PRSS3: variants seen among roughly 807,000 people sequenced by gnomAD.
The protein encoded by PRSS3 is serine protease 3, also known as trypsin-3.
PRSS3 carries 14 observed loss-of-function variants against 20.8 expected under a neutral mutation model. The observed-to-expected ratio is 0.67, with a 90% CI of 0.44 to 1.05. The LOEUF (loss-of-function observed/expected upper bound fraction) is 1.05, where lower values mean the gene tolerates loss of function less well. PRSS3 is among the 50% of genes least tolerant of loss of function. The pLI, the probability that PRSS3 is intolerant of heterozygous loss-of-function variation, is 0.00. For missense variants in PRSS3, 237 were observed against 306.4 expected, an observed-to-expected ratio of 0.77 and a Z score of 1.69; for synonymous variants, 91 against 117.6, an observed-to-expected ratio of 0.77 and a Z score of 1.46.
At chr9:33,776,523 T>G (rs1823939888) in intron 1 of PRSS3, among the ~76,000 whole-genome samples, 1 of 152,002 alleles carries the variant, frequency 6.6e-6, no homozygotes. Flanking sequence ...AGTACTGGCA[T>G]AAAAACACAC....
rs74180504 is a variant in PRSS3, at chr9:33,785,160, A to ATTT, written c.-52-9553_-52-9551dup. 4.4e-3 allele frequency among the ~76,000 whole-genome samples: 317 copies of ATTT among 72,494 alleles called. 25 individuals carry two copies. The highest frequency in any genetic ancestry group is 9.4e-3 in the South Asian group (13 of 1,380). 47.6% of individuals were successfully genotyped at this position (72,494 alleles called of 152,430 possible). ...GAAAAAGATCATAGCATTGTGGTCA[A>ATTT]TTTTTTTTTTTTTTTTTTTTTTTTT... On this transcript the variant is annotated intron_variant, in intron 1 of 5. Coordinates refer to the PRSS3 transcript ENST00000342836.
chr9:33,768,625 G>A (rs1823552832), intron 1 of PRSS3, among the ~76,000 whole-genome samples: 1 of 151,968 alleles, frequency 6.6e-6, no homozygotes. Flanking sequence ...GGGAGGCCAA[G>A]ACAGGTGGAT....
chr9:33,769,370 C>G (rs1292351255), intron 1 of PRSS3, among the ~76,000 whole-genome samples: 1 of 152,190 alleles, frequency 6.6e-6, no homozygotes, highest in Non-Finnish European at 1.5e-5. Context: ...ACCAACTCAG[C>G]AAGTCGGGAA....
intron 1 of PRSS3, among the ~76,000 whole-genome samples, chr9:33,760,078 C>T (rs1823120727): frequency 6.6e-6 from 1 of 152,102 alleles, no homozygotes; most frequent in Non-Finnish European, 1.5e-5. Context: ...GTGATCTTTC[C>T]ATTATTATTT....
rs1482988944 is a variant in PRSS3, at chr9:33,750,979, G to T, written c.-53+252G>T. On this transcript the variant is annotated intron_variant, in intron 1 of 5. Coordinates refer to the PRSS3 transcript ENST00000342836. The surrounding 1 kb of genome is among the most constrained non-coding windows in gnomAD (Gnocchi z 4.8). Reference sequence around the variant, plus strand: ...AGAAGCCCACCTGGGGCCCCCTCCGGGCTGCGGCACCGATGCGCACACTAC... The same window carrying T: ...AGAAGCCCACCTGGGGCCCCCTCCGTGCTGCGGCACCGATGCGCACACTAC... The T allele has an allele frequency of 2.3e-6, 2 of 870,070 alleles. No homozygotes were observed. The allele number at this position is 870,070 out of a possible 1,614,324, so 53.9% of individuals were successfully genotyped here. A position where few individuals can be genotyped will look rare whatever the true frequency, so the allele number is the denominator to read the frequency against.
At chr9:33,768,139 T>C (rs1164108638) in intron 1 of PRSS3, among the ~76,000 whole-genome samples, 1 of 152,040 alleles carries the variant, frequency 6.6e-6, no homozygotes, top group Non-Finnish European at 1.5e-5. Context: ...AGTTTGGAGG[T>C]GCATGTTGGA....
At chr9:33,763,274 G>A (rs1401281390) in intron 1 of PRSS3, among the ~76,000 whole-genome samples, 1 of 152,120 alleles carries the variant, frequency 6.6e-6, no homozygotes, top group Non-Finnish European at 1.5e-5. Flanking sequence ...TGAGACTCTT[G>A]GGCACATAGG....
intron 1 of PRSS3, among the ~76,000 whole-genome samples, chr9:33,762,749 A>G (rs1038196843): frequency 2.0e-5 from 3 of 152,238 alleles, no homozygotes; most frequent in Admixed American, 2.0e-4. Context: ...CTGATGTTAA[A>G]CAGTAATTCT....
At position 33,753,501 on chromosome 9, in the gene PRSS3, A is replaced by G. The variant is rs192952497; in HGVS notation, c.-53+2774A>G. 4.6e-5 allele frequency among the ~76,000 whole-genome samples: 7 copies of G among 152,304 alleles called. No homozygotes were observed. In the East Asian group the frequency reaches 1.4e-3, roughly 29 times the overall value. On this transcript the variant is annotated intron_variant, in intron 1 of 5. Transcript: ENST00000342836. The stretch of plus-strand genomic sequence containing the variant: ...ATTTGCCAAATGTATAAATCCAGTG[A>G]CTTATTTTGATGTACTCTTTTGGTT...
upstream of PRSS3, among the ~76,000 whole-genome samples, chr9:33,792,000 A>G (rs1278219242): frequency 1.3e-5 from 2 of 152,204 alleles, no homozygotes; most frequent in Non-Finnish European, 2.9e-5. Flanking sequence ...TTAGCTGATC[A>G]GCCTTGACCA....
chr9:33,757,685 A>T (rs543014432), intron 1 of PRSS3, among the ~76,000 whole-genome samples: 5 of 152,244 alleles, frequency 3.3e-5, no homozygotes, highest in African/African-American at 1.2e-4. Flanking sequence ...CAGGCTTGTC[A>T]CCTCTGCAAC....
chr9:33,756,164 G>C (rs1191960936), intron 1 of PRSS3, among the ~76,000 whole-genome samples: 1 of 152,106 alleles, frequency 6.6e-6, no homozygotes, highest in Non-Finnish European at 1.5e-5. Flanking sequence ...TTGCTGGTTT[G>C]GCTGGGTATG....
chr9:33,763,614 G>A (rs1419787428), intron 1 of PRSS3, among the ~76,000 whole-genome samples: 1 of 151,784 alleles, frequency 6.6e-6, no homozygotes, highest in Non-Finnish European at 1.5e-5. Flanking sequence ...CAGGAGAATG[G>A]CGTGAACCCG....
In PRSS3 at chr9:33,796,669, A is replaced by C; in HGVS notation, c.67A>C (p.Lys23Gln). ...TGCTGTCCCCTTTGACGATGATGAC[A>C]AGATTGTTGGGGGCTACACCTGTGA... Reference protein sequence around the residue: ...AVAVPFDDDDKIVGGYTCEEN... With the variant: ...AVAVPFDDDDQIVGGYTCEEN... Residue 23 changes from lysine (K) to glutamine (Q), a missense_variant, in exon 2 of 5, where the codon AAG becomes CAG. By Grantham distance (53) the Lys-to-Gln change is moderately conservative. Transcript: ENST00000379405. 6.2e-7 allele frequency: 1 copy of C among 1,613,660 alleles called. No homozygotes were observed. Among genetic ancestry groups the C allele is most frequent in the Non-Finnish European group, 8.5e-7 (1 of 1,179,774 alleles).
At chr9:33,751,749 GTACTGT>G (rs1822707596) in intron 1 of PRSS3, among the ~76,000 whole-genome samples, 1 of 152,114 alleles carries the variant, frequency 6.6e-6, no homozygotes. Context: ...TGAGAAACGT[GTACTGT>G]TTTTAACCAG....
chr9:33,767,707 C>T (rs1395678469), intron 1 of PRSS3, among the ~76,000 whole-genome samples: 1 of 152,118 alleles, frequency 6.6e-6, no homozygotes, highest in East Asian at 1.9e-4. Flanking sequence ...CACCTGTAAT[C>T]CCAGCTACTC....
intron 1 of PRSS3, among the ~76,000 whole-genome samples, chr9:33,770,925 C>G (rs1446216066): frequency 6.6e-6 from 1 of 152,118 alleles, no homozygotes; most frequent in Non-Finnish European, 1.5e-5. Flanking sequence ...AATATCGTGC[C>G]AACAGAAAGG....
intron 1 of PRSS3, among the ~76,000 whole-genome samples, chr9:33,781,555 G>GT (rs1167649549): frequency 1.3e-5 from 2 of 152,148 alleles, no homozygotes; most frequent in African/African-American, 4.8e-5. Context: ...GTTGACATGG[G>GT]TTGAAAAACT....
intron 1 of PRSS3, among the ~76,000 whole-genome samples, chr9:33,779,805 C>T (rs12375581): frequency 7.8e-6 from 1 of 128,156 alleles, no homozygotes; most frequent in South Asian, 2.6e-4. Flanking sequence ...GGAGGTGGAG[C>T]TTGCGGTGAG....
Sources: gnomAD v4.1 joint callset for allele counts (sites outside exome capture counted in the v4.1 genomes callset) on GRCh38, gnomAD v4.1.1 for gene constraint, Gnocchi (gnomAD v3.1) non-coding constraint, MANE v1.5 for transcripts, NCBI Gene and HGNC (gene_info 2026-07-23, HGNC 2026-07-21) for gene names.